The following ZNF385B variants were observed in gnomAD, a reference collection of about 807,000 sequenced individuals.
The protein encoded by ZNF385B is zinc finger protein 385B, also known as zinc finger protein 533.
Under a neutral mutation model 39.2 loss-of-function variants are expected in ZNF385B, and 23 were observed. That is an observed-to-expected ratio of 0.59 (90% CI 0.42 to 0.83). ZNF385B has a LOEUF of 0.83. Among genes scored for constraint, ZNF385B ranks in the 40% least tolerant of loss-of-function variants. ZNF385B has a pLI of 0.00. For missense variants in ZNF385B, 552 were observed against 598.9 expected (o/e 0.92, Z 0.82); for synonymous variants, 205 against 222.6 (o/e 0.92, Z 0.70).
chr2:179,771,101 T>A (rs367899863), intron 1 of ZNF385B, among the ~76,000 whole-genome samples: 3 of 152,050 alleles, frequency 2.0e-5, no homozygotes, highest in African/African-American at 7.2e-5. Flanking sequence ...TGCTGTGCCA[T>A]AAGAGATGAG....
intron 1 of ZNF385B, among the ~76,000 whole-genome samples, chr2:179,818,145 T>C (rs181000792): frequency 1.6e-4 from 25 of 152,276 alleles, no homozygotes; most frequent in African/African-American, 6.0e-4. Context: ...TCAGCATCTA[T>C]CTGGGAGGAG....
intron 3 of ZNF385B, among the ~76,000 whole-genome samples, chr2:179,699,520 C>G (rs1176627732): frequency 2.6e-5 from 4 of 152,190 alleles, no homozygotes; most frequent in Non-Finnish European, 5.9e-5. Context: ...TTTCACTACA[C>G]AATTATTAAA....
intron 3 of ZNF385B, among the ~76,000 whole-genome samples, chr2:179,595,195 AT>A (rs1301877017): frequency 6.6e-6 from 1 of 152,226 alleles, no homozygotes; most frequent in African/African-American, 2.4e-5. Context: ...AAGGAAAAAA[AT>A]CATCCATAGG....
At chr2:179,605,982 G>A (rs2106116500) in intron 3 of ZNF385B, among the ~76,000 whole-genome samples, 1 of 152,238 alleles carries the variant, frequency 6.6e-6, no homozygotes, top group Non-Finnish European at 1.5e-5. Flanking sequence ...ATTCTGAACT[G>A]TTTTAGAAAC....
intron 3 of ZNF385B, among the ~76,000 whole-genome samples, chr2:179,734,846 G>A (rs1269439031): frequency 2.6e-5 from 4 of 152,080 alleles, no homozygotes; most frequent in Non-Finnish European, 1.5e-5. Context: ...AGCTGAAACT[G>A]GATCCCTTCC....
rs1341366072 is a variant in ZNF385B, at chr2:179,442,549, T to C, written c.*701A>G. Reference sequence around the variant, plus strand: ...CAAATAAAATGTGAAATAAAGAAAATACATTATTTTATCTTTTATTCTCTT... The same window carrying C: ...CAAATAAAATGTGAAATAAAGAAAACACATTATTTTATCTTTTATTCTCTT... On this transcript the variant is annotated 3_prime_UTR_variant, in exon 10 of 10. Transcript: ENST00000410066. 3.9e-5 allele frequency: 6 copies of C among 152,654 alleles called. No individual in the cohort carries two copies. The highest frequency in any genetic ancestry group is 1.9e-4 in the East Asian group (1 of 5,200). 9.5% of individuals were successfully genotyped at this position (152,654 alleles called of 1,614,324 possible).
chr2:179,785,349 T>C (rs357707), intron 1 of ZNF385B, among the ~76,000 whole-genome samples: 3,829 of 152,224 alleles, frequency 0.025, 137 homozygotes, highest in African/African-American at 0.083. Flanking sequence ...GGATATAAAC[T>C]ATACTTCAAT....
rs76306245 is a variant in ZNF385B, at chr2:179,455,409, G to T, written c.716-8639C>A. Among the ~76,000 whole-genome samples, 126 of 152,132 alleles carry T rather than the reference G, an allele frequency of 8.3e-4. 4 individuals are homozygous for T. The East Asian group carries it at 0.017, about 20-fold the overall frequency. On this transcript the variant is annotated intron_variant, in intron 6 of 9. Coordinates refer to ENST00000410066, the MANE Select transcript of ZNF385B (RefSeq NM_152520.6). ...CTCCATGCTGCTGGTTCTCATGATT[G>T]TGAGTGAGTTCTCATGAGATCTGAT...
At chr2:179,597,320 G>A (rs1688079311) in intron 3 of ZNF385B, among the ~76,000 whole-genome samples, 1 of 152,134 alleles carries the variant, frequency 6.6e-6, no homozygotes, top group South Asian at 2.1e-4. Flanking sequence ...TTTATGGTGA[G>A]TTTACTGCAT....
At chr2:179,783,691 G>C (rs1168503054) in intron 1 of ZNF385B, among the ~76,000 whole-genome samples, 1 of 152,064 alleles carries the variant, frequency 6.6e-6, no homozygotes, top group East Asian at 1.9e-4. Flanking sequence ...CTTCTCAAAA[G>C]AAGACATACA....
chr2:179,823,044 G>T (rs1707493288), intron 1 of ZNF385B, among the ~76,000 whole-genome samples: 1 of 152,134 alleles, frequency 6.6e-6, no homozygotes, highest in Admixed American at 6.5e-5. Context: ...AACAGTAAGT[G>T]TTCAAGAGCT....
At chr2:179,807,776 T>G (rs147521397) in intron 1 of ZNF385B, among the ~76,000 whole-genome samples, 5,697 of 151,012 alleles carry the variant, frequency 0.038, 194 homozygotes, top group African/African-American at 0.091. Flanking sequence ...GCGCCTGTAG[T>G]CCCAGCTACT....
intron 6 of ZNF385B, among the ~76,000 whole-genome samples, chr2:179,451,234 A>G (rs1366377513): frequency 1.3e-5 from 2 of 148,984 alleles, no homozygotes; most frequent in Admixed American, 6.7e-5. Context: ...CATGTACCCT[A>G]AAACTTAAAG....
At chr2:179,596,254 T>G (rs1381952161) in intron 3 of ZNF385B, among the ~76,000 whole-genome samples, 1 of 152,140 alleles carries the variant, frequency 6.6e-6, no homozygotes, top group Non-Finnish European at 1.5e-5. Flanking sequence ...TCTCAATTCT[T>G]TCCCCTGGAC....
chr2:179,779,257 T>C (rs906485205), intron 1 of ZNF385B, among the ~76,000 whole-genome samples: 5 of 152,168 alleles, frequency 3.3e-5, no homozygotes, highest in Non-Finnish European at 5.9e-5. Flanking sequence ...GGAAAAACAC[T>C]GCAGGCAAAG....
Position 179,815,735 on chromosome 2 carries a change from A to C in ZNF385B, c.-154-45063T>G, listed in dbSNP as rs117362989. Among the ~76,000 whole-genome samples the C allele has an allele frequency of 5.3e-4, 80 of 152,268 alleles. 1 individual carries two copies. In the East Asian group the frequency reaches 0.014, roughly 27 times the overall value. On this transcript the variant is annotated intron_variant, in intron 1 of 9. Coordinates refer to ENST00000410066, the MANE Select transcript of ZNF385B (RefSeq NM_152520.6). Reference sequence around the variant, plus strand: ...ATTCAGTGGTCAATTCACAGTCCTCATGTTATTTGACATTTGTTATGTGTT... The same window carrying C: ...ATTCAGTGGTCAATTCACAGTCCTCCTGTTATTTGACATTTGTTATGTGTT...
chr2:179,715,959 T>C (rs965241364), intron 3 of ZNF385B, among the ~76,000 whole-genome samples: 9 of 152,218 alleles, frequency 5.9e-5, no homozygotes, highest in Non-Finnish European at 8.8e-5. Context: ...TTTTGTCTGC[T>C]TTTCAATATC....
chr2:179,516,526 G>A (rs747124133), intron 5 of ZNF385B, among the ~76,000 whole-genome samples: 1 of 152,018 alleles, frequency 6.6e-6, no homozygotes, highest in Non-Finnish European at 1.5e-5. Context: ...TTCCTTAATC[G>A]TTAAACATGT....
intron 1 of ZNF385B, among the ~76,000 whole-genome samples, chr2:179,794,121 C>T (rs1189039698): frequency 6.6e-6 from 1 of 152,304 alleles, no homozygotes; most frequent in East Asian, 1.9e-4. Context: ...TGATCCTTAA[C>T]TCAAGCTGTT....
Sources: gnomAD v4.1 joint callset for allele counts (sites outside exome capture counted in the v4.1 genomes callset) on GRCh38, gnomAD v4.1.1 for gene constraint, MANE v1.5 for transcripts, NCBI Gene and HGNC (gene_info 2026-07-23, HGNC 2026-07-21) for gene names.